Variants in NPAS3 observed in about 807,000 individuals in gnomAD.
The protein encoded by NPAS3 is neuronal PAS domain protein 3, also known as neuronal PAS domain-containing protein 3.
A neutral mutation model predicts 73.1 loss-of-function variants in NPAS3; 14 were observed. The observed-to-expected ratio is 0.19, with a 90% confidence interval of 0.13 to 0.30. The LOEUF (loss-of-function observed/expected upper bound fraction) is 0.30, where lower values mean the gene tolerates loss of function less well. NPAS3 is among the 10% of genes least tolerant of loss of function. The probability of loss-of-function intolerance (pLI) is 1.00; values close to 1 mark genes in which losing one functional copy is unlikely to be tolerated. For synonymous variants in NPAS3, 620 were observed against 541.5 expected (o/e 1.14, Z -2.01); for missense variants, 1,096 against 1,250.0 (o/e 0.88, Z 1.86).
chr14:32,935,892 A>G (rs1369186779), upstream of NPAS3, among the ~76,000 whole-genome samples: 1 of 152,204 alleles, frequency 6.6e-6, no homozygotes, highest in Non-Finnish European at 1.5e-5. Context: ...TGTACTATGA[A>G]AGGTAAACTC....
At chr14:33,797,704 T>A in intron 11 of NPAS3, 123 bp downstream of exon 11, 1 of 928,526 alleles carries the variant, frequency 1.1e-6, no homozygotes, top group South Asian at 1.5e-5. Flanking sequence ...GAGACATATG[T>A]CACATCAAGT....
At chr14:33,229,495 G>A (rs150865616) in intron 3 of NPAS3, among the ~76,000 whole-genome samples, 271 of 152,226 alleles carry the variant, frequency 1.8e-3, no homozygotes, top group South Asian at 7.3e-3. Context: ...CTTCCCGCCC[G>A]CTCACATGCA....
At chr14:33,527,869 G>A (rs1474617458) in intron 4 of NPAS3, among the ~76,000 whole-genome samples, 1 of 152,020 alleles carries the variant, frequency 6.6e-6, no homozygotes, top group East Asian at 1.9e-4. Flanking sequence ...CTGCCAGAGG[G>A]TGGCAAAAAT....
intron 3 of NPAS3, among the ~76,000 whole-genome samples, chr14:33,216,725 A>G (rs1257324182): frequency 1.3e-5 from 2 of 152,224 alleles, no homozygotes; most frequent in Admixed American, 1.3e-4. Context: ...TTTACAAAAT[A>G]GGCAGCAGCC....
At chr14:33,210,692 TTAGA>T (rs1489709911) in intron 2 of NPAS3, among the ~76,000 whole-genome samples, 2 of 152,214 alleles carry the variant, frequency 1.3e-5, no homozygotes, top group East Asian at 1.9e-4. Context: ...TAACAGCTGT[TTAGA>T]TACTCATTTT....
At chr14:33,071,263 G>T (rs1392736586) in intron 2 of NPAS3, among the ~76,000 whole-genome samples, 2 of 152,168 alleles carry the variant, frequency 1.3e-5, no homozygotes, top group African/African-American at 4.8e-5. Context: ...AAATGAGGTT[G>T]CATGGAAAAG....
At position 33,390,709 on chromosome 14, in the gene NPAS3, C is replaced by T. The variant is rs561944912; in HGVS notation, c.468+23441C>T. Among the ~76,000 whole-genome samples the T allele has an allele frequency of 1.2e-4, 18 of 152,252 alleles. No homozygotes were observed. The South Asian group carries it at 3.5e-3, about 30-fold the overall frequency. ...GACTATACCTAGGATTTTGTGGATG[C>T]TCTTAAGTTCCCATCTTTAAAATGT... On this transcript the variant is annotated intron_variant, in intron 4 of 11. Transcript: ENST00000356141.
chr14:33,272,366 A>T (rs2041130965), intron 3 of NPAS3, among the ~76,000 whole-genome samples: 3 of 152,198 alleles, frequency 2.0e-5, no homozygotes, highest in Admixed American at 2.0e-4. Flanking sequence ...TTAGAGTCAT[A>T]ATCTTAAGTA....
chr14:33,700,893 T>C (rs1018496921), intron 6 of NPAS3, among the ~76,000 whole-genome samples: 9 of 152,230 alleles, frequency 5.9e-5, no homozygotes, highest in African/African-American at 2.2e-4. Context: ...AATATGTTTC[T>C]TAATGTTGTT....
chr14:33,292,422 TTGTGGCTAG>T (rs1388346529), intron 3 of NPAS3, among the ~76,000 whole-genome samples: 4 of 152,322 alleles, frequency 2.6e-5, no homozygotes, highest in African/African-American at 9.6e-5. Context: ...CAGGTCTTCC[TTGTGGCTAG>T]TGTGGCTAGA....
intron 3 of NPAS3, among the ~76,000 whole-genome samples, chr14:33,289,654 C>T (rs1247576690): frequency 2.0e-5 from 3 of 152,032 alleles, no homozygotes; most frequent in Non-Finnish European, 4.4e-5. Context: ...AACCCCATGT[C>T]TACTAAAAAT....
intron 4 of NPAS3, among the ~76,000 whole-genome samples, chr14:33,444,952 CCTT>C (rs1473949927): frequency 6.6e-6 from 1 of 152,214 alleles, no homozygotes. Context: ...CGGAAATCAT[CCTT>C]CTTATCCACC....
chr14:33,297,618 C>T (rs759837080), intron 3 of NPAS3, among the ~76,000 whole-genome samples: 3 of 152,170 alleles, frequency 2.0e-5, no homozygotes, highest in Non-Finnish European at 4.4e-5. Flanking sequence ...TAAATGCACA[C>T]ACACAAAAAA....
intron 9 of NPAS3, among the ~76,000 whole-genome samples, chr14:33,782,400 A>G (rs2084556051): frequency 6.6e-6 from 1 of 152,114 alleles, no homozygotes. Context: ...GTAGCCCCCC[A>G]AAAATGGAGT....
chr14:33,423,099 A>G (rs890251761), intron 4 of NPAS3, among the ~76,000 whole-genome samples: 7 of 152,036 alleles, frequency 4.6e-5, no homozygotes, highest in Admixed American at 2.0e-4. Flanking sequence ...TATGAGGAGC[A>G]GAATCCGCTG....
intron 3 of NPAS3, among the ~76,000 whole-genome samples, chr14:33,356,686 C>T (rs904209860): frequency 2.0e-5 from 3 of 152,182 alleles, no homozygotes; most frequent in African/African-American, 7.2e-5. Flanking sequence ...GAGTTCTTGA[C>T]TTGGGGTCTA....
At chr14:33,658,808 A>G (rs145472244) in intron 5 of NPAS3, among the ~76,000 whole-genome samples, 4 of 152,134 alleles carry the variant, frequency 2.6e-5, no homozygotes. Context: ...TCCCCCACTA[A>G]TAGTGTATTA....
intron 3 of NPAS3, among the ~76,000 whole-genome samples, chr14:33,342,299 G>A (rs1292482658): frequency 6.6e-6 from 1 of 152,186 alleles, no homozygotes; most frequent in East Asian, 1.9e-4. Flanking sequence ...GAATATGGGA[G>A]ACAAGGGTGT....
In NPAS3 at chr14:33,012,981, A is replaced by C. The variant is rs377726263; in HGVS notation, c.51-42924A>C. ...GAGCGTTCTTGGGGACTGAGAAAGC[A>C]GTGGGAATAGATGGGTTTTCTGACT... On this transcript the variant is annotated intron_variant, in intron 1 of 11. Coordinates refer to ENST00000356141, the Ensembl canonical transcript of NPAS3. 8.5e-5 allele frequency among the ~76,000 whole-genome samples: 13 copies of C among 152,342 alleles called. No individual in the cohort carries two copies. The South Asian group carries it at 2.7e-3, about 32-fold the overall frequency.
Sources: gnomAD v4.1 joint callset for allele counts (sites outside exome capture counted in the v4.1 genomes callset) on GRCh38, gnomAD v4.1.1 for gene constraint, MANE v1.5 for transcripts, NCBI Gene and HGNC (gene_info 2026-07-23, HGNC 2026-07-21) for gene names.